MAST4: variants seen among roughly 807,000 people sequenced by gnomAD.
MAST4 encodes microtubule-associated serine/threonine-protein kinase 4.
Under a neutral mutation model 162.7 loss-of-function variants are expected in MAST4, and 89 were observed. The observed-to-expected ratio is 0.55, with a 90% CI of 0.46 to 0.65. The LOEUF is 0.65. Among genes scored for constraint, MAST4 ranks in the 30% least tolerant of loss-of-function variants. The pLI is 0.00. For synonymous variants in MAST4, 1,479 were observed against 1,361.1 expected (o/e 1.09, Z -1.91); for missense variants, 3,153 against 3,374.0 (o/e 0.93, Z 1.62).
Position 67,011,543 on chromosome 5 carries a change from G to A in MAST4, c.675-42861G>A, listed in dbSNP as rs1297486791. ...ATTCCATGACGCCGTCCAGTAACCT[G>A]GGCTGCCCTTGCTCCTGACCGCCTC... is the stretch of plus-strand genomic sequence containing the variant. On this transcript the variant is annotated intron_variant, in intron 4 of 28. Transcript: ENST00000403625. 2.0e-5 allele frequency among the ~76,000 whole-genome samples: 3 copies of A among 152,118 alleles called. No individual in the cohort carries two copies. In the East Asian group the frequency reaches 5.8e-4, roughly 29 times the overall value.
intron 1 of MAST4, among the ~76,000 whole-genome samples, chr5:66,748,048 C>T (rs377074510): frequency 2.6e-5 from 4 of 152,156 alleles, no homozygotes; most frequent in African/African-American, 9.6e-5. Context: ...GTGGGCTTTG[C>T]CAGGGGATTT....
At chr5:66,854,376 A>G (rs1759525442) in intron 3 of MAST4, among the ~76,000 whole-genome samples, 1 of 152,194 alleles carries the variant, frequency 6.6e-6, no homozygotes, top group Non-Finnish European at 1.5e-5. Flanking sequence ...AACAACAAAT[A>G]TTTACCATGT....
At chr5:66,826,431 C>A (rs1757259637) in intron 3 of MAST4, among the ~76,000 whole-genome samples, 1 of 152,114 alleles carries the variant, frequency 6.6e-6, no homozygotes, top group Admixed American at 6.6e-5. Flanking sequence ...AAGATGCATG[C>A]ACGTCAGCTG....
intron 3 of MAST4, among the ~76,000 whole-genome samples, chr5:66,859,140 T>C (rs571984886): frequency 6.6e-6 from 1 of 152,298 alleles, no homozygotes; most frequent in Non-Finnish European, 1.5e-5. Flanking sequence ...ATTTTTCTTC[T>C]ATTGCATTAG....
Position 67,163,808 on chromosome 5 carries a change from C to T in MAST4, c.4629C>T (p.Gly1543=). 1 of 1,612,782 alleles carries T rather than the reference C, an allele frequency of 6.2e-7. No homozygotes were observed. The highest frequency in any genetic ancestry group is 8.5e-7 in the Non-Finnish European group (1 of 1,179,350). Residue 1543 remains glycine, a synonymous_variant, in exon 29 of 29, where the codon GGC becomes GGT. Transcript: ENST00000403625. The surrounding 1 kb of genome is among the most constrained non-coding windows in gnomAD (Gnocchi z 7.0). The part of the protein sequence containing the change: ...KAKVVVKKAD[G]FPEKQESHQK... Reference sequence around the variant, plus strand: ...AGGTGGTGGTGAAGAAAGCAGACGGCTTCCCAGAGAAACAGGAATCCCACC... The same window carrying T: ...AGGTGGTGGTGAAGAAAGCAGACGGTTTCCCAGAGAAACAGGAATCCCACC...
At chr5:66,834,938 G>T (rs1329418514) in intron 3 of MAST4, among the ~76,000 whole-genome samples, 1 of 152,142 alleles carries the variant, frequency 6.6e-6, no homozygotes, top group Admixed American at 6.5e-5. Flanking sequence ...TGGCTCAGAG[G>T]AGTGATGTGT....
At chr5:66,779,926 T>C in intron 2 of MAST4, among the ~76,000 whole-genome samples, 1 of 152,322 alleles carries the variant, frequency 6.6e-6, no homozygotes, top group African/African-American at 2.4e-5. Context: ...TTATGAAGTA[T>C]AATTTGCAAA....
chr5:66,791,140 C>A (rs529225445), intron 3 of MAST4, among the ~76,000 whole-genome samples: 1 of 152,222 alleles, frequency 6.6e-6, no homozygotes, highest in African/African-American at 2.4e-5. Flanking sequence ...TCTCCTGCCT[C>A]AGCCTCCCGA....
chr5:66,881,746 G>A (rs774353668), intron 3 of MAST4, among the ~76,000 whole-genome samples: 44 of 152,108 alleles, frequency 2.9e-4, no homozygotes, highest in Non-Finnish European at 4.3e-4. Context: ...TTAAGTACAA[G>A]TTACTCAATT....
At chr5:67,092,346 C>T (rs1275350556) in intron 6 of MAST4, among the ~76,000 whole-genome samples, 1 of 152,052 alleles carries the variant, frequency 6.6e-6, no homozygotes, top group Non-Finnish European at 1.5e-5. Flanking sequence ...CAAGTATAGA[C>T]TAGAAAGTAT....
intron 1 of MAST4, among the ~76,000 whole-genome samples, chr5:66,658,215 A>T (rs1746675557): frequency 6.6e-6 from 1 of 152,244 alleles, no homozygotes; most frequent in Non-Finnish European, 1.5e-5. Context: ...AATTTGCATC[A>T]TAAAAATATA....
intron 1 of MAST4, among the ~76,000 whole-genome samples, chr5:66,644,132 A>AT (rs34614681): frequency 0.022 from 3,218 of 148,240 alleles, 117 homozygotes; most frequent in African/African-American, 0.074. Flanking sequence ...GTTTGACTTG[A>AT]TTTTTTTTTT....
intron 3 of MAST4, among the ~76,000 whole-genome samples, chr5:66,878,249 G>C (rs1209994595): frequency 2.0e-5 from 3 of 152,230 alleles, no homozygotes. Context: ...GATGTTCAAT[G>C]TCAATTCCTG....
intron 13 of MAST4, among the ~76,000 whole-genome samples, chr5:67,120,306 G>A (rs1561679577): frequency 6.6e-6 from 1 of 152,212 alleles, no homozygotes; most frequent in Non-Finnish European, 1.5e-5. Flanking sequence ...GGATGATGGT[G>A]CCCACACAGG....
rs148464713 is a variant in MAST4, at chr5:67,115,560, T to G, written c.1591+1341T>G. 2.0e-3 allele frequency among the ~76,000 whole-genome samples: 310 copies of G among 152,390 alleles called. 2 individuals are homozygous for G. The highest frequency in any genetic ancestry group is 7.0e-3 in the African/African-American group (292 of 41,592). ...AACAGATTCATCACTTATCAGAGAC[T>G]GGTGGCTGCTTTTCTGAAAAGTTCC... On this transcript the variant is annotated intron_variant, in intron 12 of 28. Coordinates refer to ENST00000403625, the MANE Select transcript of MAST4 (RefSeq NM_001164664.2).
chr5:66,803,861 G>A (rs147054014), intron 3 of MAST4, among the ~76,000 whole-genome samples: 2,543 of 151,454 alleles, frequency 0.017, 44 homozygotes, highest in South Asian at 0.025. Flanking sequence ...AATAGACGTG[G>A]TGATACTACA....
intron 4 of MAST4, among the ~76,000 whole-genome samples, chr5:66,933,686 G>T (rs73768708): frequency 0.019 from 2,818 of 152,202 alleles, 90 homozygotes; most frequent in African/African-American, 0.064. Context: ...TGGCAAAGTG[G>T]CCACATGTGG....
At chr5:67,118,084 A>G (rs1466866333) in intron 12 of MAST4, among the ~76,000 whole-genome samples, 1 of 152,226 alleles carries the variant, frequency 6.6e-6, no homozygotes, top group Non-Finnish European at 1.5e-5. Context: ...TACCTTTTAC[A>G]GGGAAGAGCT....
chr5:67,142,022 G>A (rs1770456240), intron 19 of MAST4, 93 bp from the exon 20 acceptor site: 1 of 1,291,666 alleles, frequency 7.7e-7, no homozygotes, highest in South Asian at 1.5e-5. Flanking sequence ...TTGCTGATAT[G>A]TTCTCAAAAT....
Sources: gnomAD v4.1 joint callset for allele counts (sites outside exome capture counted in the v4.1 genomes callset) on GRCh38, gnomAD v4.1.1 for gene constraint, Gnocchi (gnomAD v3.1) non-coding constraint, MANE v1.5 for transcripts, NCBI Gene and HGNC (gene_info 2026-07-23, HGNC 2026-07-21) for gene names.